The following KANSL1 variants were observed in gnomAD, a reference collection of about 807,000 sequenced individuals.
KANSL1 encodes MLL1/MLL complex subunit KANSL1.
A neutral mutation model predicts 103.6 loss-of-function variants in KANSL1; 22 were observed. That is an observed-to-expected ratio of 0.21 (90% CI 0.15 to 0.30). The LOEUF (loss-of-function observed/expected upper bound fraction) is 0.30. Ranked by LOEUF, KANSL1 falls within the 10% of genes least tolerant of loss-of-function variation. The probability of loss-of-function intolerance (pLI) is 1.00; values close to 1 mark genes in which losing one functional copy is unlikely to be tolerated. For synonymous variants in KANSL1, 600 were observed against 527.6 expected, an observed-to-expected ratio of 1.14 and a Z score of -1.88; for missense variants, 1,337 against 1,399.8, an observed-to-expected ratio of 0.96 and a Z score of 0.72.
upstream of KANSL1, chr17:46,196,550 A>T (rs2047616314): frequency 2.4e-6 from 1 of 412,540 alleles, no homozygotes. Context: ...CATCAAAGGG[A>T]ATAGAGAGTT....
chr17:46,109,329 C>T (rs1368385623), intron 2 of KANSL1, among the ~76,000 whole-genome samples: 2 of 152,180 alleles, frequency 1.3e-5, no homozygotes, highest in East Asian at 1.9e-4. Flanking sequence ...TCCGCTTTTA[C>T]ACATGGTAAA....
At chr17:46,141,804 T>C (rs186231532) in intron 2 of KANSL1, among the ~76,000 whole-genome samples, 2 of 152,336 alleles carry the variant, frequency 1.3e-5, no homozygotes, top group Admixed American at 1.3e-4. Context: ...CTAGTCAGCT[T>C]TTTCGGAAAG....
chr17:46,125,781 C>T (rs2043526723), intron 2 of KANSL1, among the ~76,000 whole-genome samples: 1 of 152,140 alleles, frequency 6.6e-6, no homozygotes, highest in South Asian at 2.1e-4. Flanking sequence ...ACAGATTCTA[C>T]CATCATTGTT....
chr17:46,058,475 C>T (rs892311675), intron 6 of KANSL1, among the ~76,000 whole-genome samples: 2 of 152,202 alleles, frequency 1.3e-5, no homozygotes, highest in Non-Finnish European at 2.9e-5. Flanking sequence ...GCACAATCCA[C>T]ATGCTACAAG....
upstream of KANSL1, among the ~76,000 whole-genome samples, chr17:46,198,687 G>A (rs181770841): frequency 6.6e-6 from 1 of 152,296 alleles, no homozygotes; most frequent in Admixed American, 6.5e-5. Context: ...AGCCAAGATC[G>A]CACCACTGCA....
chr17:46,196,172 A>C, upstream of KANSL1: 1 of 378,020 alleles, frequency 2.6e-6, no homozygotes. Flanking sequence ...TGGGAGGTCA[A>C]GGCTGCAGTG....
At chr17:46,159,848 G>C (rs1036723690) in intron 2 of KANSL1, among the ~76,000 whole-genome samples, 1 of 152,204 alleles carries the variant, frequency 6.6e-6, no homozygotes, top group Admixed American at 6.5e-5. Context: ...CTTCTCTAGA[G>C]TGTTTATTAC....
intron 2 of KANSL1, among the ~76,000 whole-genome samples, chr17:46,155,902 C>T (rs1034325584): frequency 6.6e-6 from 1 of 152,196 alleles, no homozygotes; most frequent in African/African-American, 2.4e-5. Flanking sequence ...CACTGCACCC[C>T]AACCTGGGTG....
intron 3 of KANSL1, among the ~76,000 whole-genome samples, chr17:46,088,912 C>T (rs536686363): frequency 6.6e-6 from 1 of 152,260 alleles, no homozygotes; most frequent in African/African-American, 2.4e-5. Context: ...AGTCCCTATT[C>T]TTTCCCCTCA....
At chr17:46,106,370 A>G (rs2042566300) in intron 2 of KANSL1, among the ~76,000 whole-genome samples, 1 of 152,178 alleles carries the variant, frequency 6.6e-6, no homozygotes, top group Non-Finnish European at 1.5e-5. Flanking sequence ...ATTATGTAAG[A>G]TATCTATGAG....
chr17:46,038,489 G>C (rs768369919), intron 10 of KANSL1, 49 bp downstream of exon 10: 6 of 1,599,320 alleles, frequency 3.8e-6, no homozygotes, highest in Non-Finnish European at 5.1e-6. Context: ...ACTTGAGTGA[G>C]CTGTGACCTG....
At position 46,185,716 on chromosome 17, in the gene KANSL1, C is replaced by CACAT. The variant is rs1433298702; in HGVS notation, c.-90+7106_-90+7107insATGT. Among the ~76,000 whole-genome samples, 72 of 151,482 alleles carry CACAT rather than the reference C, an allele frequency of 4.8e-4. 1 individual carries two copies. The highest frequency in any genetic ancestry group is 7.2e-4 in the Non-Finnish European group (49 of 67,822). Reference sequence around the variant, plus strand: ...ATACACACACACACACACACACACACACACACACACACACACACGGATAGG... The same window carrying CACAT: ...ATACACACACACACACACACACACACACATACACACACACACACACACGGATAGG... On this transcript the variant is annotated intron_variant, in intron 1 of 14. Transcript: ENST00000432791.
At chr17:46,215,697 C>A (rs934531142) in intron 1 of KANSL1, among the ~76,000 whole-genome samples, 2 of 152,148 alleles carry the variant, frequency 1.3e-5, no homozygotes, top group Non-Finnish European at 2.9e-5. Flanking sequence ...CACTAAGATA[C>A]GAAGATAGGA....
chr17:46,183,910 C>T (rs2046905169), intron 1 of KANSL1, among the ~76,000 whole-genome samples: 1 of 152,064 alleles, frequency 6.6e-6, no homozygotes, highest in African/African-American at 2.4e-5. Context: ...GAGACTGTCT[C>T]CAAAAAAACA....
At chr17:46,057,680 AC>A (rs2077983106) in intron 6 of KANSL1, among the ~76,000 whole-genome samples, 1 of 152,156 alleles carries the variant, frequency 6.6e-6, no homozygotes, top group African/African-American at 2.4e-5. Flanking sequence ...GGACAGAAAA[AC>A]ATCACTGTTT....
intron 2 of KANSL1, among the ~76,000 whole-genome samples, chr17:46,116,173 T>C (rs1257997259): frequency 3.3e-5 from 5 of 152,228 alleles, no homozygotes; most frequent in Admixed American, 6.5e-5. Flanking sequence ...AAGTTAGTTA[T>C]TTAGATTTTA....
At chr17:46,184,100 T>C (rs2046913529) in intron 1 of KANSL1, among the ~76,000 whole-genome samples, 1 of 152,228 alleles carries the variant, frequency 6.6e-6, no homozygotes, top group Admixed American at 6.5e-5. Flanking sequence ...AAATATTTAA[T>C]TTAAACATCT....
At chr17:46,218,024 T>TA (rs1479852897) in intron 1 of KANSL1, among the ~76,000 whole-genome samples, 47 of 152,290 alleles carry the variant, frequency 3.1e-4, no homozygotes, top group Non-Finnish European at 5.7e-4. Flanking sequence ...AGACTCTGTC[T>TA]AAAAAAACAA....
intron 1 of KANSL1, among the ~76,000 whole-genome samples, chr17:46,220,648 C>A (rs1472425772): frequency 6.6e-6 from 1 of 152,260 alleles, no homozygotes; most frequent in Non-Finnish European, 1.5e-5. Context: ...TAACAGGTAA[C>A]CAGTGCCACC....
Sources: gnomAD v4.1 joint callset for allele counts (sites outside exome capture counted in the v4.1 genomes callset) on GRCh38, gnomAD v4.1.1 for gene constraint, MANE v1.5 for transcripts, NCBI Gene and HGNC (gene_info 2026-07-23, HGNC 2026-07-21) for gene names.